Variants in ACO1 observed in about 807,000 individuals in gnomAD.
ACO1 encodes aconitase 1.
ACO1 carries 78 observed loss-of-function variants against 105.1 expected under a neutral mutation model. The ratio of observed to expected loss-of-function variants is 0.74; its 90% CI spans 0.62 to 0.90. The LOEUF (loss-of-function observed/expected upper bound fraction) is 0.90. Ranked by LOEUF, ACO1 falls within the 40% of genes least tolerant of loss-of-function variation. ACO1 has a pLI of 0.00. For missense variants in ACO1, 965 were observed against 1,111.1 expected (o/e 0.87, Z 1.87); for synonymous variants, 364 against 397.4 (o/e 0.92, Z 1.00).
At chr9:32,435,699 C>A (rs1822340086) in intron 17 of ACO1, among the ~76,000 whole-genome samples, 1 of 152,172 alleles carries the variant, frequency 6.6e-6, no homozygotes, top group African/African-American at 2.4e-5. Context: ...GCCTCTTTAG[C>A]ACTGCCTCGA....
intron 1 of ACO1, among the ~76,000 whole-genome samples, chr9:32,387,021 A>G: frequency 6.6e-6 from 1 of 152,162 alleles, no homozygotes; most frequent in East Asian, 1.9e-4. Flanking sequence ...CTTCAAAGGC[A>G]TGTGCTGAAG....
chr9:32,419,380 G>A (rs1440441931), intron 7 of ACO1, among the ~76,000 whole-genome samples: 1 of 152,184 alleles, frequency 6.6e-6, no homozygotes, highest in African/African-American at 2.4e-5. Context: ...TTCTAGTATT[G>A]CTGCATCGAT....
chr9:32,430,518 T>C lies in ACO1; in HGVS notation c.1670T>C (p.Val557Ala), dbSNP rs2118511547. The C allele has an allele frequency of 6.2e-7, 1 of 1,610,944 alleles. No individual in the cohort carries two copies. Reference protein sequence around the residue: ...RANYLASPPLVIAYAIAGTIR... With the variant: ...RANYLASPPLAIAYAIAGTIR... ...AACTATTTAGCCTCTCCCCCCTTAG[T>C]AATAGCATATGCAATTGCTGGAACC... Residue 557 changes from valine (V) to alanine (A), a missense_variant, in exon 14 of 21, where the codon GTA becomes GCA. By Grantham distance (64) the Val-to-Ala change is moderately conservative. Transcript: ENST00000309951.
Position 32,407,188 on chromosome 9 carries a change from T to C in ACO1, c.98-73T>C, listed in dbSNP as rs897056418. ...TCTGATGCCTCATATCAACTTTATA[T>C]AGAGATTGGCCTTAAAGAGCGCTCT... On this transcript the variant is annotated intron_variant, in intron 2 of 20. Transcript: ENST00000309951. 3.9e-5 allele frequency: 55 copies of C among 1,400,124 alleles called. No individual in the cohort carries two copies. The East Asian group carries it at 1.2e-3, about 30-fold the overall frequency. 86.7% of individuals were successfully genotyped at this position (1,400,124 alleles called of 1,614,324 possible).
intron 11 of ACO1, 125 bp downstream of exon 11, chr9:32,426,122 A>T: frequency 1.0e-6 from 1 of 975,186 alleles, no homozygotes; most frequent in Non-Finnish European, 1.5e-6. Context: ...TTCCAGATAC[A>T]GATATTTATT....
chr9:32,426,028 A>G, intron 11 of ACO1, 31 bp downstream of exon 11: 4 of 1,607,030 alleles, frequency 2.5e-6, no homozygotes, highest in Non-Finnish European at 3.4e-6. Context: ...CCTCATGGTC[A>G]TACATGTGTG....
intron 1 of ACO1, among the ~76,000 whole-genome samples, chr9:32,391,944 G>A (rs1821275877): frequency 6.6e-6 from 1 of 151,754 alleles, no homozygotes; most frequent in Non-Finnish European, 1.5e-5. Flanking sequence ...AGGATGTTAT[G>A]TTTCATAAAC....
chr9:32,402,189 C>CT (rs1000487608), intron 1 of ACO1, among the ~76,000 whole-genome samples: 192 of 150,122 alleles, frequency 1.3e-3, no homozygotes, highest in South Asian at 4.7e-3. Flanking sequence ...TTCCTTCCTT[C>CT]TTTTTTTTTT....
chr9:32,454,180 A>C lies in ACO1; in HGVS notation c.*4069A>C, dbSNP rs527550067. 6.6e-6 allele frequency: 1 copy of C among 152,346 alleles called. No individual in the cohort carries two copies. The highest frequency in any genetic ancestry group is 1.9e-4 in the East Asian group (1 of 5,178). The allele number at this position is 152,346 out of a possible 1,614,324, so 9.4% of individuals were successfully genotyped here. ...TTTATCACTGCAGAACAGACACAAGAACAATGTGTGCTGTAAATCACTGTT... is the reference window on the plus strand; with the variant it reads ...TTTATCACTGCAGAACAGACACAAGCACAATGTGTGCTGTAAATCACTGTT... On this transcript the variant is annotated 3_prime_UTR_variant, in exon 21 of 21. Transcript: ENST00000309951.
chr9:32,394,556 G>A (rs1026657867), intron 1 of ACO1, among the ~76,000 whole-genome samples: 1 of 152,308 alleles, frequency 6.6e-6, no homozygotes, highest in Non-Finnish European at 1.5e-5. Flanking sequence ...TCAACCCAGT[G>A]AAATAGAGCA....
At chr9:32,410,145 T>C (rs1400625803) in intron 4 of ACO1, among the ~76,000 whole-genome samples, 3 of 152,188 alleles carry the variant, frequency 2.0e-5, no homozygotes, top group African/African-American at 7.2e-5. Context: ...TGGGTTAAAA[T>C]GGCATCAGGA....
At chr9:32,434,725 G>A (rs1241360325) in intron 17 of ACO1, 24 bp downstream of exon 17, 1 of 1,610,754 alleles carries the variant, frequency 6.2e-7, no homozygotes, top group East Asian at 2.2e-5. Flanking sequence ...AGGCAGGAAG[G>A]ACTAAAGGCA....
At chr9:32,390,336 C>T (rs80060558) in intron 1 of ACO1, among the ~76,000 whole-genome samples, 1,593 of 152,334 alleles carry the variant, frequency 0.01, 30 homozygotes, top group African/African-American at 0.037. Context: ...GGTATTTGCT[C>T]TTTACTCTGC....
chr9:32,453,472 C>CA lies in ACO1; in HGVS notation c.*3362dup. ...CCATTTGCCCCTCCAACCACCCCCC[C>CA]ATCCCTCCACCAATCATACCTTCTG... On this transcript the variant is annotated 3_prime_UTR_variant, in exon 21 of 21. Coordinates refer to ENST00000309951, the MANE Select transcript of ACO1 (RefSeq NM_002197.3). 6.6e-6 allele frequency: 1 copy of CA among 152,296 alleles called. No homozygotes were observed. Among genetic ancestry groups the CA allele is most frequent in the East Asian group, 1.9e-4 (1 of 5,174 alleles). The allele number at this position is 152,296 out of a possible 1,614,324, so 9.4% of individuals were successfully genotyped here. A position where few individuals can be genotyped will look rare whatever the true frequency, so the allele number is the denominator to read the frequency against.
At chr9:32,426,277 A>G (rs1381138111) in intron 11 of ACO1, among the ~76,000 whole-genome samples, 2 of 152,220 alleles carry the variant, frequency 1.3e-5, no homozygotes, top group African/African-American at 2.4e-5. Flanking sequence ...GAAAGCCTAC[A>G]TTCTTGTGTC....
intron 1 of ACO1, among the ~76,000 whole-genome samples, chr9:32,393,414 G>C (rs966447049): frequency 2.0e-5 from 3 of 152,116 alleles, no homozygotes; most frequent in African/African-American, 7.2e-5. Context: ...ATTTTGGTCA[G>C]ACCGGTTGTC....
intron 1 of ACO1, among the ~76,000 whole-genome samples, chr9:32,396,035 C>G (rs985366810): frequency 6.6e-6 from 1 of 152,190 alleles, no homozygotes; most frequent in Non-Finnish European, 1.5e-5. Context: ...TCCCCAAGTC[C>G]TGTTGTTTTT....
chr9:32,450,137 A>AG lies in ACO1; in HGVS notation c.*29dup. 1 of 1,584,852 alleles carries AG rather than the reference A, an allele frequency of 6.3e-7. No homozygotes were observed. The highest frequency in any genetic ancestry group is 8.7e-7 in the Non-Finnish European group (1 of 1,154,952). On this transcript the variant is annotated 3_prime_UTR_variant, in exon 21 of 21. Coordinates refer to ENST00000309951, the MANE Select transcript of ACO1 (RefSeq NM_002197.3). ...GAGACGTGCACTTGGTGCTGCGCCC[A>AG]GGGAGGAAGCCGCACCACCAGCCAG...
At chr9:32,449,451 A>G (rs1340237309) in intron 20 of ACO1, among the ~76,000 whole-genome samples, 2 of 152,140 alleles carry the variant, frequency 1.3e-5, no homozygotes, top group Non-Finnish European at 2.9e-5. Flanking sequence ...AAGCCTGCCC[A>G]TAGGCACCAG....
Sources: gnomAD v4.1 joint callset for allele counts (sites outside exome capture counted in the v4.1 genomes callset) on GRCh38, gnomAD v4.1.1 for gene constraint, MANE v1.5 for transcripts, NCBI Gene and HGNC (gene_info 2026-07-23, HGNC 2026-07-21) for gene names.